ANKRD44: variants seen among roughly 807,000 people sequenced by gnomAD.
The protein encoded by ANKRD44 is ankyrin repeat domain 44.
Under a neutral mutation model 116.0 loss-of-function variants are expected in ANKRD44, and 35 were observed. The observed-to-expected ratio is 0.30, with a 90% confidence interval of 0.23 to 0.40. The LOEUF is 0.40. Ranked by LOEUF, ANKRD44 falls within the 10% of genes least tolerant of loss-of-function variation. ANKRD44 has a pLI of 1.00. For synonymous variants in ANKRD44, 435 were observed against 461.8 expected, an observed-to-expected ratio of 0.94 and a Z score of 0.74; for missense variants, 1,014 against 1,242.6, an observed-to-expected ratio of 0.82 and a Z score of 2.77.
intron 1 of ANKRD44, among the ~76,000 whole-genome samples, chr2:197,268,558 G>C (rs1437539357): frequency 6.6e-6 from 1 of 152,202 alleles, no homozygotes; most frequent in Non-Finnish European, 1.5e-5. Context: ...ATCCAGAGAG[G>C]AAAGGAATTG....
At chr2:197,310,134 G>A (rs2084201982) in intron 1 of ANKRD44, among the ~76,000 whole-genome samples, 1 of 152,178 alleles carries the variant, frequency 6.6e-6, no homozygotes, top group Admixed American at 6.5e-5. Context: ...CGCATTCTGG[G>A]CAGGACTCCT....
At chr2:197,130,020 T>C (rs919270864) in intron 4 of ANKRD44, among the ~76,000 whole-genome samples, 4 of 152,234 alleles carry the variant, frequency 2.6e-5, no homozygotes, top group Non-Finnish European at 2.9e-5. Context: ...TTGGGTAGAA[T>C]AAATACATTG....
chr2:197,115,238 T>A (rs768448796), intron 8 of ANKRD44, among the ~76,000 whole-genome samples: 1 of 152,226 alleles, frequency 6.6e-6, no homozygotes, highest in Non-Finnish European at 1.5e-5. Context: ...TTCTAAGTTG[T>A]ATCCAGCACA....
At chr2:197,096,387 T>C (rs2078161765) in intron 10 of ANKRD44, among the ~76,000 whole-genome samples, 6 of 152,132 alleles carry the variant, frequency 3.9e-5, no homozygotes. Context: ...GCATAATTGG[T>C]AAGGAAATAG....
chr2:197,273,980 AATATATAT>A (rs1164251927), intron 1 of ANKRD44, among the ~76,000 whole-genome samples: 104 of 43,736 alleles, frequency 2.4e-3, no homozygotes, highest in South Asian at 4.0e-3. Flanking sequence ...AAAAAAAAAA[AATATATAT>A]ATATATATAT....
intron 21 of ANKRD44, among the ~76,000 whole-genome samples, chr2:196,980,686 G>C (rs977965291): frequency 1.2e-4 from 19 of 152,248 alleles, no homozygotes; most frequent in African/African-American, 4.6e-4. Flanking sequence ...ATGTTTTCTG[G>C]AGAGCCTCAT....
At chr2:197,206,006 T>C (rs1224969946) in intron 1 of ANKRD44, among the ~76,000 whole-genome samples, 1 of 152,110 alleles carries the variant, frequency 6.6e-6, no homozygotes, top group Non-Finnish European at 1.5e-5. Flanking sequence ...ACTTTGTCAC[T>C]AACCTCAGAG....
At chr2:197,310,363 C>G (rs2084212976) in intron 1 of ANKRD44, among the ~76,000 whole-genome samples, 1 of 147,208 alleles carries the variant, frequency 6.8e-6, no homozygotes, top group Admixed American at 6.7e-5. Context: ...GCCCCAGACT[C>G]GGGCGCGCAG....
intron 27 of ANKRD44, chr2:196,990,430 T>C (rs750181299): frequency 8.6e-7 from 1 of 1,158,642 alleles, no homozygotes; most frequent in Non-Finnish European, 1.1e-6. Flanking sequence ...ATTCTTTATT[T>C]AAAATGAGAG....
intron 2 of ANKRD44, among the ~76,000 whole-genome samples, chr2:197,182,373 C>G (rs1283300093): frequency 1.3e-5 from 2 of 152,184 alleles, no homozygotes; most frequent in Admixed American, 1.3e-4. Context: ...TTCAATCTTA[C>G]AAGGAGAATT....
intron 4 of ANKRD44, among the ~76,000 whole-genome samples, chr2:197,129,096 T>G (rs1285548646): frequency 1.3e-5 from 2 of 152,024 alleles, no homozygotes; most frequent in South Asian, 4.1e-4. Flanking sequence ...TGCTCAGGCA[T>G]GCTGTGAATC....
At chr2:197,068,525 C>T (rs1467035984) in intron 16 of ANKRD44, among the ~76,000 whole-genome samples, 1 of 151,780 alleles carries the variant, frequency 6.6e-6, no homozygotes, top group East Asian at 1.9e-4. Flanking sequence ...AGTGAACAGG[C>T]AACCTACAGA....
At position 197,214,548 on chromosome 2, in the gene ANKRD44, G is replaced by A. The variant is rs2081401078; in HGVS notation, c.28-27442C>T. On this transcript the variant is annotated intron_variant, in intron 1 of 27. Coordinates refer to ENST00000282272, the MANE Select transcript of ANKRD44 (RefSeq NM_001195144.2). ...AAAAGACCAAGTCAGTAGTATTTAT[G>A]TCTTAGTGATTAGATTACAAGTTAT... 2.0e-5 allele frequency among the ~76,000 whole-genome samples: 3 copies of A among 152,144 alleles called. No individual in the cohort carries two copies. The South Asian group carries it at 6.2e-4, about 31-fold the overall frequency.
intron 2 of ANKRD44, among the ~76,000 whole-genome samples, chr2:197,154,149 G>A (rs1305192622): frequency 6.7e-6 from 1 of 148,910 alleles, no homozygotes; most frequent in Non-Finnish European, 1.5e-5. Context: ...TAACATCCTC[G>A]CCAATATCTG....
intron 4 of ANKRD44, chr2:197,133,851 T>C (rs1295133118): frequency 6.6e-6 from 1 of 152,120 alleles, no homozygotes; most frequent in African/African-American, 2.4e-5. Flanking sequence ...AGGACAGCAA[T>C]GTGCTTGGAG....
intron 1 of ANKRD44, among the ~76,000 whole-genome samples, chr2:197,251,205 T>G (rs558296689): frequency 4.5e-4 from 69 of 152,370 alleles, no homozygotes; most frequent in African/African-American, 1.5e-3. Flanking sequence ...ACCTTTTTAT[T>G]GGTTTACACT....
chr2:197,220,996 T>C (rs1256173400), intron 1 of ANKRD44, among the ~76,000 whole-genome samples: 1 of 152,182 alleles, frequency 6.6e-6, no homozygotes, highest in African/African-American at 2.4e-5. Flanking sequence ...ACGCCTGTAA[T>C]CCCAGCACTT....
At chr2:197,112,553 C>T (rs1265038553) in intron 8 of ANKRD44, among the ~76,000 whole-genome samples, 2 of 151,736 alleles carry the variant, frequency 1.3e-5, no homozygotes, top group Non-Finnish European at 2.9e-5. Flanking sequence ...ACTAAAAATA[C>T]AAAAAATTAG....
chr2:197,251,833 A>G (rs2082324740), intron 1 of ANKRD44, among the ~76,000 whole-genome samples: 1 of 152,244 alleles, frequency 6.6e-6, no homozygotes, highest in African/African-American at 2.4e-5. Context: ...AAATTTCAAC[A>G]ACTGAGGCAT....
Sources: gnomAD v4.1 joint callset for allele counts (sites outside exome capture counted in the v4.1 genomes callset) on GRCh38, gnomAD v4.1.1 for gene constraint, MANE v1.5 for transcripts, NCBI Gene and HGNC (gene_info 2026-07-23, HGNC 2026-07-21) for gene names.